The following DENND1B variants were observed in gnomAD, a reference collection of about 807,000 sequenced individuals.
The protein encoded by DENND1B is DENN domain containing 1B.
A neutral mutation model predicts 90.1 loss-of-function variants in DENND1B; 59 were observed. That is an observed-to-expected ratio of 0.65 (90% CI 0.53 to 0.81). The LOEUF is 0.81. Ranked by LOEUF, DENND1B falls within the 40% of genes least tolerant of loss-of-function variation. DENND1B has a pLI of 0.00. For missense variants in DENND1B, 862 were observed against 912.6 expected, an observed-to-expected ratio of 0.94 and a Z score of 0.71; for synonymous variants, 337 against 324.6, an observed-to-expected ratio of 1.04 and a Z score of -0.41.
At chr1:197,691,234 T>A (rs1187610604) in intron 3 of DENND1B, among the ~76,000 whole-genome samples, 4 of 145,108 alleles carry the variant, frequency 2.8e-5, no homozygotes, top group African/African-American at 7.7e-5. Context: ...ATCCAAAGCA[T>A]ATAAGGAACT....
At chr1:197,553,864 T>G (rs906796078) in intron 15 of DENND1B, among the ~76,000 whole-genome samples, 2 of 152,100 alleles carry the variant, frequency 1.3e-5, no homozygotes, top group Non-Finnish European at 2.9e-5. Flanking sequence ...TTTTTCAGTG[T>G]TCTTAAAAAA....
intron 2 of DENND1B, among the ~76,000 whole-genome samples, chr1:197,746,392 AAAAG>A (rs1663753248): frequency 6.6e-6 from 1 of 152,188 alleles, no homozygotes; most frequent in South Asian, 2.1e-4. Flanking sequence ...CTGTCTCAAA[AAAAG>A]AAAGAAAGAA....
intron 15 of DENND1B, among the ~76,000 whole-genome samples, chr1:197,573,150 C>T (rs754341033): frequency 6.6e-6 from 1 of 151,828 alleles, no homozygotes; most frequent in African/African-American, 2.4e-5. Flanking sequence ...TCAGTTCTGC[C>T]CTGATTTTAG....
At chr1:197,546,152 T>G (rs1670803794) in intron 17 of DENND1B, among the ~76,000 whole-genome samples, 162 bp from the exon 18 acceptor site, 1 of 152,218 alleles carries the variant, frequency 6.6e-6, no homozygotes, top group Non-Finnish European at 1.5e-5. Flanking sequence ...TTCAAGTTTC[T>G]ATGTACTTTA....
At chr1:197,707,698 TTATTA>T (rs1196636848) in intron 3 of DENND1B, among the ~76,000 whole-genome samples, 1 of 146,218 alleles carries the variant, frequency 6.8e-6, no homozygotes, top group Non-Finnish European at 1.5e-5. Context: ...TATAATATAA[TTATTA>T]TATTAAAATC....
intron 6 of DENND1B, among the ~76,000 whole-genome samples, chr1:197,655,329 T>C (rs1471940994): frequency 6.6e-6 from 1 of 152,198 alleles, no homozygotes; most frequent in Non-Finnish European, 1.5e-5. Flanking sequence ...ACTCAATATC[T>C]ATTTGCTATG....
intron 5 of DENND1B, among the ~76,000 whole-genome samples, chr1:197,662,429 A>C (rs1351926840): frequency 6.6e-6 from 1 of 152,090 alleles, no homozygotes; most frequent in African/African-American, 2.4e-5. Flanking sequence ...AGATAAAGCA[A>C]CTTATCTAGG....
chr1:197,640,639 A>G (rs1353069319), intron 10 of DENND1B, among the ~76,000 whole-genome samples: 2 of 152,140 alleles, frequency 1.3e-5, no homozygotes, highest in African/African-American at 2.4e-5. Flanking sequence ...CTCTACACTT[A>G]AAGAAACTGA....
chr1:197,654,997 G>T (rs1056435386), intron 6 of DENND1B, among the ~76,000 whole-genome samples: 2 of 152,026 alleles, frequency 1.3e-5, no homozygotes, highest in Non-Finnish European at 2.9e-5. Flanking sequence ...TGCCCAGGAG[G>T]ATATTTTGCT....
Position 197,597,429 on chromosome 1 carries a change from T to TA in DENND1B, c.922-2097dup, listed in dbSNP as rs200861233. Among the ~76,000 whole-genome samples, 1,229 of 150,752 alleles carry TA rather than the reference T, an allele frequency of 8.2e-3. 17 individuals carry two copies. The highest frequency in any genetic ancestry group is 0.021 in the African/African-American group (859 of 41,188). On this transcript the variant is annotated intron_variant, in intron 13 of 22. Coordinates refer to ENST00000620048, the MANE Select transcript of DENND1B (RefSeq NM_001195215.2). ...TTTAAAAGATTTTTACTTTAGAAAA[T>TA]AAAAAAAAATTAAAATGCACCTTAC...
intron 13 of DENND1B, among the ~76,000 whole-genome samples, chr1:197,602,502 G>C (rs1440191705): frequency 2.6e-5 from 4 of 151,476 alleles, no homozygotes; most frequent in African/African-American, 7.3e-5. Context: ...AAATTTGTTA[G>C]GGACTTCATT....
At chr1:197,585,328 C>A (rs1674605528) in intron 14 of DENND1B, among the ~76,000 whole-genome samples, 1 of 152,156 alleles carries the variant, frequency 6.6e-6, no homozygotes, top group Non-Finnish European at 1.5e-5. Context: ...CCTCTAATGG[C>A]AGTTCTGGCA....
At chr1:197,643,364 C>A (rs2125919592) in intron 9 of DENND1B, among the ~76,000 whole-genome samples, 1 of 152,128 alleles carries the variant, frequency 6.6e-6, no homozygotes, top group East Asian at 1.9e-4. Context: ...ACCATGTTGG[C>A]CGGGTTGGTC....
intron 10 of DENND1B, among the ~76,000 whole-genome samples, chr1:197,638,167 C>T (rs2125911052): frequency 6.6e-6 from 1 of 152,254 alleles, no homozygotes; most frequent in African/African-American, 2.4e-5. Context: ...TGCTTAAATG[C>T]CTGGGGGCAA....
rs142130479 is a variant in DENND1B at position 197,591,877 on chromosome 1, G to A, written c.1047+3331C>T. Among the ~76,000 whole-genome samples, 105 of 152,114 alleles carry A rather than the reference G, an allele frequency of 6.9e-4. No homozygotes were observed. The East Asian group carries it at 0.02, about 28-fold the overall frequency. The stretch of plus-strand genomic sequence containing the variant: ...TGTAATCCCAGCACTCTGGGAGGCC[G>A]AGGCAGGTGTATCACGAGGTCAGGA... On this transcript the variant is annotated intron_variant, in intron 14 of 22. Coordinates refer to ENST00000620048, the MANE Select transcript of DENND1B (RefSeq NM_001195215.2).
intron 2 of DENND1B, among the ~76,000 whole-genome samples, chr1:197,716,699 C>A (rs544487419): frequency 6.6e-6 from 1 of 151,802 alleles, no homozygotes; most frequent in Admixed American, 6.6e-5. Context: ...AATCCTCATG[C>A]AGAAATACAG....
At chr1:197,538,736 C>T (rs1670104254) in intron 20 of DENND1B, among the ~76,000 whole-genome samples, 1 of 137,680 alleles carries the variant, frequency 7.3e-6, no homozygotes, top group African/African-American at 2.7e-5. Flanking sequence ...TTCTTAAAGA[C>T]TGTTGTTACG....
rs979570586 is a variant in DENND1B at position 197,538,025 on chromosome 1, C to G, written c.1515+1939G>C. 9.9e-5 allele frequency among the ~76,000 whole-genome samples: 15 copies of G among 151,930 alleles called. No homozygotes were observed. The South Asian group carries it at 2.1e-3, about 21-fold the overall frequency. The stretch of plus-strand genomic sequence containing the variant: ...AATTTATATAATTATAAACCATCAA[C>G]TTGTAATGAAAAATAAATTAATTAA... On this transcript the variant is annotated intron_variant, in intron 20 of 22. Coordinates refer to ENST00000620048, the MANE Select transcript of DENND1B (RefSeq NM_001195215.2).
intron 20 of DENND1B, among the ~76,000 whole-genome samples, chr1:197,534,663 T>A (rs563548542): frequency 6.6e-6 from 1 of 152,366 alleles, no homozygotes; most frequent in East Asian, 1.9e-4. Context: ...CTAATTTTAA[T>A]ACAGTTTAAT....
Sources: allele counts gnomAD v4.1 joint callset (sites outside exome capture counted in the v4.1 genomes callset), GRCh38; gene constraint gnomAD v4.1.1; transcripts MANE v1.5; gene names NCBI Gene and HGNC (gene_info 2026-07-23, HGNC 2026-07-21).